Variants in LRRC7 observed in about 807,000 individuals in gnomAD.
LRRC7 encodes leucine-rich repeat-containing protein 7.
Under a neutral mutation model 175.7 loss-of-function variants are expected in LRRC7, and 23 were observed. The observed-to-expected ratio is 0.13, with a 90% CI of 0.09 to 0.19. The LOEUF is 0.19. Ranked by LOEUF, LRRC7 falls within the 10% of genes least tolerant of loss-of-function variation. The pLI is 1.00. For missense variants in LRRC7, 1,354 were observed against 1,904.7 expected, an observed-to-expected ratio of 0.71 and a Z score of 5.38; for synonymous variants, 685 against 680.9, an observed-to-expected ratio of 1.01 and a Z score of -0.09.
intron 11 of LRRC7, among the ~76,000 whole-genome samples, chr1:70,000,109 C>T (rs889992254): frequency 1.3e-5 from 2 of 152,146 alleles, no homozygotes; most frequent in Non-Finnish European, 2.9e-5. Context: ...CTACTAATTA[C>T]TGGGGAAACA....
chr1:70,048,627 A>G (rs768508451), intron 22 of LRRC7, among the ~76,000 whole-genome samples: 2 of 152,138 alleles, frequency 1.3e-5, no homozygotes, highest in Non-Finnish European at 2.9e-5. Context: ...AGTAGATATT[A>G]TAGGATGGAG....
chr1:69,975,689 C>A (rs1652742254), intron 8 of LRRC7, among the ~76,000 whole-genome samples: 1 of 152,162 alleles, frequency 6.6e-6, no homozygotes, highest in Non-Finnish European at 1.5e-5. Context: ...TACCTCATTT[C>A]CTACTTCATC....
chr1:70,053,227 C>T, intron 23 of LRRC7, 82 bp downstream of exon 23: 1 of 1,262,114 alleles, frequency 7.9e-7, no homozygotes, highest in Non-Finnish European at 1.0e-6. Context: ...TGTGTCTTAT[C>T]ATAATTTCTA....
intron 8 of LRRC7, among the ~76,000 whole-genome samples, chr1:69,970,765 C>G (rs879713811): frequency 6.6e-6 from 1 of 152,068 alleles, no homozygotes; most frequent in African/African-American, 2.4e-5. Context: ...GGGAACCCTC[C>G]CTAAATCATT....
intron 22 of LRRC7, among the ~76,000 whole-genome samples, chr1:70,049,768 A>AT (rs1660610881): frequency 6.6e-6 from 1 of 151,946 alleles, no homozygotes; most frequent in Non-Finnish European, 1.5e-5. Context: ...TGTAATACCT[A>AT]TTTTTTCCAA....
chr1:69,960,879 TGAAGGGG>T (rs1651002226), intron 8 of LRRC7, among the ~76,000 whole-genome samples: 6 of 152,166 alleles, frequency 3.9e-5, no homozygotes, highest in African/African-American at 1.4e-4. Flanking sequence ...AATATCATAC[TGAAGGGG>T]CAAAAGCTGG....
intron 25 of LRRC7, among the ~76,000 whole-genome samples, chr1:70,093,254 A>C (rs1334784093): frequency 6.6e-6 from 1 of 152,208 alleles, no homozygotes; most frequent in Non-Finnish European, 1.5e-5. Flanking sequence ...TAAAGCAATA[A>C]AAATAATGGC....
chr1:69,862,125 A>G (rs1289868452), intron 7 of LRRC7, among the ~76,000 whole-genome samples: 1 of 152,162 alleles, frequency 6.6e-6, no homozygotes, highest in Non-Finnish European at 1.5e-5. Flanking sequence ...AATTAACCAC[A>G]AAAGTATCCT....
At chr1:69,661,158 G>GA (rs1163275200) in intron 1 of LRRC7, among the ~76,000 whole-genome samples, 9 of 150,082 alleles carry the variant, frequency 6.0e-5, no homozygotes, top group Non-Finnish European at 8.9e-5. Flanking sequence ...CAAAGTTTTA[G>GA]AAAAAAAAGA....
At chr1:69,742,268 C>A (rs995534630) in intron 2 of LRRC7, among the ~76,000 whole-genome samples, 3 of 151,856 alleles carry the variant, frequency 2.0e-5, no homozygotes, top group Non-Finnish European at 2.9e-5. Flanking sequence ...GTTTAGGACA[C>A]TTATTGGTTT....
intron 7 of LRRC7, among the ~76,000 whole-genome samples, chr1:69,891,972 CAAAAA>C (rs988257160): frequency 8.2e-6 from 1 of 122,122 alleles, no homozygotes; most frequent in Non-Finnish European, 1.9e-5. Context: ...ATTCTCATCA[CAAAAA>C]AAGAAAAAAA....
At chr1:69,746,359 A>G (rs1316319621) in intron 2 of LRRC7, among the ~76,000 whole-genome samples, 1 of 152,008 alleles carries the variant, frequency 6.6e-6, no homozygotes, top group Non-Finnish European at 1.5e-5. Flanking sequence ...CATGGCTCAA[A>G]AACACTGGGA....
chr1:69,907,169 A>G (rs182713915), intron 7 of LRRC7, among the ~76,000 whole-genome samples: 12 of 152,224 alleles, frequency 7.9e-5, no homozygotes, highest in African/African-American at 2.6e-4. Flanking sequence ...GGCTGAGACA[A>G]TGGGGTTTTC....
At chr1:69,791,194 T>C (rs1675069783) in intron 3 of LRRC7, among the ~76,000 whole-genome samples, 1 of 151,892 alleles carries the variant, frequency 6.6e-6, no homozygotes, top group African/African-American at 2.4e-5. Context: ...CTGGCAGGAG[T>C]CAAGATGAAT....
At chr1:69,621,893 G>A (rs980845087) in intron 1 of LRRC7, among the ~76,000 whole-genome samples, 1 of 152,038 alleles carries the variant, frequency 6.6e-6, no homozygotes, top group Non-Finnish European at 1.5e-5. Context: ...ATTCTTCAAT[G>A]TCCCTCTGAA....
chr1:69,931,597 A>T (rs1186943522), intron 8 of LRRC7, 27 bp downstream of exon 8: 1 of 1,559,020 alleles, frequency 6.4e-7, no homozygotes, highest in African/African-American at 1.4e-5. Context: ...TCTAAACCTG[A>T]TAAATACCCT....
At chr1:69,670,724 GAC>G (rs1188772775) in intron 1 of LRRC7, among the ~76,000 whole-genome samples, 2 of 152,262 alleles carry the variant, frequency 1.3e-5, no homozygotes, top group East Asian at 3.9e-4. Flanking sequence ...CAAACCATGA[GAC>G]ACAGTCCTTT....
chr1:69,772,269 T>A (rs895869703), intron 3 of LRRC7, among the ~76,000 whole-genome samples: 2 of 152,124 alleles, frequency 1.3e-5, no homozygotes, highest in Non-Finnish European at 2.9e-5. Flanking sequence ...GGGTCAACCA[T>A]GCAAGATCAT....
intron 4 of LRRC7, among the ~76,000 whole-genome samples, chr1:69,821,071 G>T (rs558283681): frequency 4.6e-5 from 7 of 152,194 alleles, no homozygotes; most frequent in Non-Finnish European, 1.0e-4. Context: ...GTGTGAGACA[G>T]TATCTCACTG....
Sources: allele counts gnomAD v4.1 joint callset (sites outside exome capture counted in the v4.1 genomes callset), GRCh38; gene constraint gnomAD v4.1.1; transcripts MANE v1.5; gene names NCBI Gene and HGNC (gene_info 2026-07-23, HGNC 2026-07-21).